The following STAC variants were observed in gnomAD, a reference collection of about 807,000 sequenced individuals.
STAC encodes SH3 and cysteine-rich domain-containing protein.
STAC carries 43 observed loss-of-function variants against 48.8 expected under a neutral mutation model. That is an observed-to-expected ratio of 0.88 (90% CI 0.69 to 1.14). The LOEUF (loss-of-function observed/expected upper bound fraction) is 1.14. Ranked by LOEUF, STAC falls within the 50% of genes most tolerant of loss-of-function variation. STAC has a pLI of 0.00. For synonymous variants in STAC, 193 were observed against 179.5 expected (o/e 1.07, Z -0.60); for missense variants, 497 against 504.0 (o/e 0.99, Z 0.13).
chr3:36,486,630 C>T (rs1478184792), intron 5 of STAC, among the ~76,000 whole-genome samples: 2 of 152,218 alleles, frequency 1.3e-5, no homozygotes, highest in African/African-American at 4.8e-5. Context: ...CGTTTAGCTA[C>T]ATTCCAGTTC....
chr3:36,398,368 A>AAAGAAAGAAAAG lies in STAC; in HGVS notation c.111+17616_111+17617insGAAAGAAAAGAA, dbSNP rs1553631494. ...GAAAGAAAGAAAGAAAGAAAGAAAG[A>AAAGAAAGAAAAG]AAAGAAAGAGAGAAAGAAAGAAAGA... is the stretch of plus-strand genomic sequence containing the variant. On this transcript the variant is annotated intron_variant, in intron 1 of 10. Coordinates refer to ENST00000273183, the MANE Select transcript of STAC (RefSeq NM_003149.3). Among the ~76,000 whole-genome samples the AAAGAAAGAAAAG allele has an allele frequency of 7.1e-3, 730 of 102,930 alleles. 23 individuals carry two copies. Among genetic ancestry groups the AAAGAAAGAAAAG allele is most frequent in the East Asian group, 0.023 (74 of 3,238 alleles). The allele number at this position is 102,930 out of a possible 152,430, so 67.5% of individuals were successfully genotyped here. A position where few individuals can be genotyped will look rare whatever the true frequency, so the allele number is the denominator to read the frequency against.
Position 36,380,678 on chromosome 3 carries a change from T to A in STAC, c.35T>A (p.Val12Glu). 1 of 1,607,868 alleles carries A rather than the reference T, an allele frequency of 6.2e-7. No individual in the cohort carries two copies. The highest frequency in any genetic ancestry group is 1.1e-5 in the South Asian group (1 of 89,762). ...IPPSSPREDG[V>E]DGLPKEAVGA... Reference sequence around the variant, plus strand: ...CCGAGCAGCCCCCGCGAGGACGGCGTGGACGGGCTGCCCAAGGAGGCGGTG... The same window carrying A: ...CCGAGCAGCCCCCGCGAGGACGGCGAGGACGGGCTGCCCAAGGAGGCGGTG... Residue 12 changes from valine (V) to glutamate (E), a missense_variant, in exon 1 of 11, where the codon GTG becomes GAG. Val to Glu is a moderately radical substitution (Grantham distance 121, BLOSUM62 -2). Coordinates refer to ENST00000273183, the MANE Select transcript of STAC (RefSeq NM_003149.3).
At chr3:36,458,899 CA>C (rs567390849) in intron 2 of STAC, among the ~76,000 whole-genome samples, 51 of 152,304 alleles carry the variant, frequency 3.3e-4, no homozygotes, top group African/African-American at 1.2e-3. Context: ...TTAGAATACA[CA>C]ATTCTGATTT....
At chr3:36,463,510 CT>C (rs11288570) in intron 2 of STAC, among the ~76,000 whole-genome samples, 18,208 of 144,636 alleles carry the variant, frequency 0.13, 1,285 homozygotes, top group East Asian at 0.31. Flanking sequence ...GGTAGTTTTT[CT>C]TTTTTTTTTT....
chr3:36,446,974 A>C (rs1039931405), intron 2 of STAC, among the ~76,000 whole-genome samples: 1 of 152,188 alleles, frequency 6.6e-6, no homozygotes, highest in African/African-American at 2.4e-5. Context: ...AAGCATCCCT[A>C]GAAGTAGGGC....
At chr3:36,395,691 TACAA>T (rs1559475922) in intron 1 of STAC, among the ~76,000 whole-genome samples, 1 of 152,110 alleles carries the variant, frequency 6.6e-6, no homozygotes, top group Non-Finnish European at 1.5e-5. Flanking sequence ...TGGAATGAGG[TACAA>T]ACAAAGTCAT....
Position 36,546,389 on chromosome 3 carries a change from G to A in STAC, c.*100G>A, listed in dbSNP as rs1214655695. 1 of 993,838 alleles carries A rather than the reference G, an allele frequency of 1.0e-6. No homozygotes were observed. The highest frequency in any genetic ancestry group is 1.6e-6 in the Non-Finnish European group (1 of 633,924). The allele number at this position is 993,838 out of a possible 1,614,324, so 61.6% of individuals were successfully genotyped here. On this transcript the variant is annotated 3_prime_UTR_variant, in exon 11 of 11. Transcript: ENST00000273183. ...CCAAAGGAGCTGCCGCACTGACCCA[G>A]CCCCCCAGGAAACAGTGAGACAAGA...
chr3:36,506,818 T>C (rs1249628609), intron 8 of STAC, among the ~76,000 whole-genome samples: 1 of 152,156 alleles, frequency 6.6e-6, no homozygotes, highest in Admixed American at 6.5e-5. Flanking sequence ...CTTAAGGAGA[T>C]TTTGGGCTAA....
intron 2 of STAC, among the ~76,000 whole-genome samples, chr3:36,456,300 A>C (rs997344948): frequency 9.2e-5 from 14 of 152,202 alleles, no homozygotes; most frequent in African/African-American, 3.4e-4. Flanking sequence ...ACCTGAAAGA[A>C]CTATATCACT....
At chr3:36,389,818 AGCATAATAATGTCCTCTGCAGC>A (rs1699711172) in intron 1 of STAC, among the ~76,000 whole-genome samples, 1 of 152,174 alleles carries the variant, frequency 6.6e-6, no homozygotes, top group South Asian at 2.1e-4. Flanking sequence ...CCATAAAGTG[AGCATAATAATGTCCTCTGCAGC>A]ATTGCCATTC....
intron 1 of STAC, among the ~76,000 whole-genome samples, chr3:36,439,431 C>T (rs989707197): frequency 3.3e-5 from 5 of 152,136 alleles, no homozygotes; most frequent in Non-Finnish European, 5.9e-5. Context: ...GGGTGTTATT[C>T]TGATTTTGAG....
At chr3:36,482,649 C>A (rs1291982408) in intron 2 of STAC, among the ~76,000 whole-genome samples, 2 of 152,104 alleles carry the variant, frequency 1.3e-5, no homozygotes, top group Non-Finnish European at 2.9e-5. Flanking sequence ...GGGACTTGCA[C>A]TACTCAGTAA....
At chr3:36,539,195 C>A (rs1459746143) in intron 10 of STAC, among the ~76,000 whole-genome samples, 2 of 152,026 alleles carry the variant, frequency 1.3e-5, no homozygotes, top group African/African-American at 2.4e-5. Flanking sequence ...AGAATATTTT[C>A]TTTTCTTTTC....
At chr3:36,474,085 G>T (rs1697423107) in intron 2 of STAC, among the ~76,000 whole-genome samples, 1 of 152,064 alleles carries the variant, frequency 6.6e-6, no homozygotes, top group Non-Finnish European at 1.5e-5. Context: ...GCCTATACTG[G>T]GCTGTAGTAT....
At chr3:36,488,717 A>G (rs937358779) in intron 5 of STAC, among the ~76,000 whole-genome samples, 2 of 152,182 alleles carry the variant, frequency 1.3e-5, no homozygotes, top group African/African-American at 4.8e-5. Flanking sequence ...TACCCTTAGT[A>G]TTTATCACCA....
chr3:36,400,646 A>C (rs1260919313), intron 1 of STAC, among the ~76,000 whole-genome samples: 4 of 152,158 alleles, frequency 2.6e-5, no homozygotes, highest in African/African-American at 4.8e-5. Flanking sequence ...CTTCATCCCC[A>C]GAGTTTCTGA....
chr3:36,386,801 C>T (rs1452904733), intron 1 of STAC, among the ~76,000 whole-genome samples: 1 of 152,124 alleles, frequency 6.6e-6, no homozygotes, highest in African/African-American at 2.4e-5. Flanking sequence ...GTCTTGATAT[C>T]TGGTAGCGTA....
At position 36,390,112 on chromosome 3, in the gene STAC, G is replaced by A. The variant is rs562961206; in HGVS notation, c.111+9358G>A. Reference sequence around the variant, plus strand: ...AGTGTTTTACTATACATGTAGTATTGTACAGTATTGGTGCTGACAGGTGGC... The same window carrying A: ...AGTGTTTTACTATACATGTAGTATTATACAGTATTGGTGCTGACAGGTGGC... On this transcript the variant is annotated intron_variant, in intron 1 of 10. Transcript: ENST00000273183. Among the ~76,000 whole-genome samples the A allele has an allele frequency of 9.2e-5, 14 of 152,248 alleles. No individual in the cohort carries two copies. The South Asian group carries it at 2.7e-3, about 29-fold the overall frequency.
intron 4 of STAC, chr3:36,485,926 G>T: frequency 3.9e-6 from 2 of 513,484 alleles, no homozygotes; most frequent in Non-Finnish European, 7.0e-6. Flanking sequence ...GTACTAGCTG[G>T]TACATGGCAG....
Sources: gnomAD v4.1 joint callset for allele counts (sites outside exome capture counted in the v4.1 genomes callset) on GRCh38, gnomAD v4.1.1 for gene constraint, MANE v1.5 for transcripts, NCBI Gene and HGNC (gene_info 2026-07-23, HGNC 2026-07-21) for gene names.